The following PRKG1 variants were observed in gnomAD, a reference collection of about 807,000 sequenced individuals.
PRKG1 encodes the protein cGMP-dependent protein kinase 1.
Under a neutral mutation model 88.1 loss-of-function variants are expected in PRKG1, and 35 were observed. That is an observed-to-expected ratio of 0.40 (90% CI 0.30 to 0.53). The LOEUF is 0.53. PRKG1 is among the 20% of genes least tolerant of loss of function. The probability of loss-of-function intolerance (pLI) is 0.59; values close to 1 mark genes in which losing one functional copy is unlikely to be tolerated. For missense variants in PRKG1, 540 were observed against 839.8 expected (o/e 0.64, Z 4.41); for synonymous variants, 303 against 292.5 (o/e 1.04, Z -0.37).
intron 2 of PRKG1, among the ~76,000 whole-genome samples, chr10:51,269,191 A>G (rs964985677): frequency 6.6e-5 from 10 of 152,234 alleles, no homozygotes; most frequent in Non-Finnish European, 1.0e-4. Flanking sequence ...CTTCTGTAAG[A>G]GTGGCAACAA....
intron 9 of PRKG1, among the ~76,000 whole-genome samples, chr10:52,229,455 G>C (rs1294853409): frequency 6.6e-6 from 1 of 152,308 alleles, no homozygotes; most frequent in East Asian, 1.9e-4. Flanking sequence ...TGATGGCTTT[G>C]AGGAGGTGAG....
chr10:51,553,701 ACG>A lies in PRKG1; in HGVS notation c.592+85866_592+85867del, dbSNP rs1491509714. Reference sequence around the variant, plus strand: ...AACTCCTTGGTTGTGATTATTATATACGTGTATATAATATATGTATATATTAG... The same window carrying A: ...AACTCCTTGGTTGTGATTATTATATATGTATATAATATATGTATATATTAG... On this transcript the variant is annotated intron_variant, in intron 3 of 17. Transcript: ENST00000373980. Among the ~76,000 whole-genome samples, 41 of 139,642 alleles carry A rather than the reference ACG, an allele frequency of 2.9e-4. No individual in the cohort carries two copies. The South Asian group carries it at 8.0e-3, about 27-fold the overall frequency. 91.6% of individuals were successfully genotyped at this position (139,642 alleles called of 152,430 possible). A position where few individuals can be genotyped will look rare whatever the true frequency, so the allele number is the denominator to read the frequency against.
chr10:51,971,993 A>G (rs1272989783), intron 5 of PRKG1, among the ~76,000 whole-genome samples: 3 of 152,134 alleles, frequency 2.0e-5, no homozygotes, highest in African/African-American at 7.2e-5. Flanking sequence ...ATTAAATTAA[A>G]TGAAGTTATA....
At chr10:51,142,100 A>G (rs1225070880) in intron 1 of PRKG1, among the ~76,000 whole-genome samples, 1 of 152,090 alleles carries the variant, frequency 6.6e-6, no homozygotes, top group African/African-American at 2.4e-5. Flanking sequence ...GAGGCAAGGT[A>G]TGTAGGAATA....
At chr10:52,087,373 G>C (rs143983779) in intron 7 of PRKG1, among the ~76,000 whole-genome samples, 53 of 152,096 alleles carry the variant, frequency 3.5e-4, no homozygotes, top group African/African-American at 1.2e-3. Context: ...TTGGACTTCA[G>C]TTCTACATTT....
rs554988434 is a variant in PRKG1, at chr10:51,057,344, T to C, written c.266+65700T>C. Among the ~76,000 whole-genome samples the C allele has an allele frequency of 1.8e-3, 276 of 152,366 alleles. 2 individuals carry two copies. The highest frequency in any genetic ancestry group is 3.4e-3 in the Middle Eastern group (1 of 294). On this transcript the variant is annotated intron_variant, in intron 1 of 17. Coordinates refer to the PRKG1 transcript ENST00000401604. ...ATGGGGCCTTTGCACCTTGTAGATA[T>C]CTAAAATGATATTCAGTAATTCCTT...
intron 1 of PRKG1, among the ~76,000 whole-genome samples, chr10:51,053,882 A>G (rs1843596888): frequency 6.6e-6 from 1 of 151,276 alleles, no homozygotes; most frequent in African/African-American, 2.4e-5. Flanking sequence ...ACTCTTCTCA[A>G]CCTCTTGGTG....
intron 4 of PRKG1, among the ~76,000 whole-genome samples, chr10:51,824,851 C>A (rs1300408061): frequency 6.6e-6 from 1 of 152,062 alleles, no homozygotes; most frequent in Non-Finnish European, 1.5e-5. Flanking sequence ...GGGATTCACC[C>A]CCATGACTCA....
intron 2 of PRKG1, among the ~76,000 whole-genome samples, chr10:51,376,766 C>T (rs1338898672): frequency 1.3e-5 from 2 of 152,062 alleles, no homozygotes; most frequent in African/African-American, 2.4e-5. Flanking sequence ...CCTCCACCTC[C>T]TGCGTTCAAG....
chr10:51,465,354 A>G (rs1347705644), intron 2 of PRKG1, among the ~76,000 whole-genome samples: 1 of 152,192 alleles, frequency 6.6e-6, no homozygotes, highest in Admixed American at 6.5e-5. Context: ...TTTAATTATT[A>G]AACCCAGAGA....
At chr10:51,384,661 CCTCT>C (rs1329073576) in intron 2 of PRKG1, among the ~76,000 whole-genome samples, 18 of 152,236 alleles carry the variant, frequency 1.2e-4, no homozygotes, top group South Asian at 4.1e-4. Flanking sequence ...CTGGTCCTCT[CCTCT>C]CTATTATTAG....
At chr10:51,371,586 C>T (rs903925818) in intron 2 of PRKG1, among the ~76,000 whole-genome samples, 1 of 152,090 alleles carries the variant, frequency 6.6e-6, no homozygotes, top group Non-Finnish European at 1.5e-5. Context: ...AGTTACTTTC[C>T]AAGTTGCTTT....
chr10:52,107,196 G>A (rs1289887198), intron 7 of PRKG1, among the ~76,000 whole-genome samples: 2 of 152,162 alleles, frequency 1.3e-5, no homozygotes, highest in East Asian at 3.9e-4. Flanking sequence ...AGAATGACCA[G>A]AACAAGATGT....
chr10:51,474,640 ATATGT>A (rs1840142641), intron 3 of PRKG1, among the ~76,000 whole-genome samples: 1 of 152,028 alleles, frequency 6.6e-6, no homozygotes, highest in Non-Finnish European at 1.5e-5. Flanking sequence ...TTTACATAAA[ATATGT>A]TAGTTAATAA....
chr10:51,618,347 G>C (rs1839117379), intron 3 of PRKG1, among the ~76,000 whole-genome samples: 1 of 152,182 alleles, frequency 6.6e-6, no homozygotes. Context: ...ACCCAATCAA[G>C]TGCTTCAGAA....
intron 2 of PRKG1, among the ~76,000 whole-genome samples, chr10:51,250,110 T>C (rs1051725147): frequency 2.0e-4 from 30 of 151,808 alleles, no homozygotes; most frequent in African/African-American, 7.2e-4. Flanking sequence ...CATTGCAGGG[T>C]TGCTGTGGTT....
intron 5 of PRKG1, among the ~76,000 whole-genome samples, chr10:52,024,175 T>C (rs572415744): frequency 1.3e-5 from 2 of 152,270 alleles, no homozygotes; most frequent in South Asian, 4.1e-4. Flanking sequence ...TGCTCTTGGA[T>C]AGGAAGAATC....
chr10:51,423,832 C>T (rs1329251178), intron 2 of PRKG1, among the ~76,000 whole-genome samples: 1 of 151,736 alleles, frequency 6.6e-6, no homozygotes, highest in Non-Finnish European at 1.5e-5. Flanking sequence ...ATATGTTGGC[C>T]AAAAGCAGAT....
intron 9 of PRKG1, among the ~76,000 whole-genome samples, chr10:52,230,267 G>A (rs1005771759): frequency 6.6e-6 from 1 of 152,204 alleles, no homozygotes; most frequent in Non-Finnish European, 1.5e-5. Flanking sequence ...GCCAAGGGGT[G>A]AGGGAAGTGG....
Sources: gnomAD v4.1 joint callset for allele counts (sites outside exome capture counted in the v4.1 genomes callset) on GRCh38, gnomAD v4.1.1 for gene constraint, MANE v1.5 for transcripts, NCBI Gene and HGNC (gene_info 2026-07-23, HGNC 2026-07-21) for gene names.